The following LOC128706666 variants were observed in gnomAD, a reference collection of about 807,000 sequenced individuals.
chr20:10,433,826 C>A, the LOC128706666 span, among the ~76,000 whole-genome samples: 9 of 152,140 alleles, frequency 5.9e-5, no homozygotes, highest in African/African-American at 1.2e-4. Context: ...CAGGTGGGAG[C>A]GTGGTGAGGC....
At chr20:10,414,903 A>G in the LOC128706666 span, among the ~76,000 whole-genome samples, 1 of 152,208 alleles carries the variant, frequency 6.6e-6, no homozygotes, top group Admixed American at 6.5e-5. Flanking sequence ...TGGAAATCCT[A>G]GTCAACGAAT....
chr20:10,431,385 T>C, the LOC128706666 span, among the ~76,000 whole-genome samples: 1 of 152,272 alleles, frequency 6.6e-6, no homozygotes, highest in South Asian at 2.1e-4. Context: ...TTAGTGTCTA[T>C]TAGGTGCTAG....
At chr20:10,419,879 G>A in the LOC128706666 span, among the ~76,000 whole-genome samples, 2 of 152,124 alleles carry the variant, frequency 1.3e-5, no homozygotes, top group African/African-American at 4.8e-5. Flanking sequence ...AATATTTTCA[G>A]ACTAGGGTTG....
chr20:10,420,978 C>G, the LOC128706666 span, among the ~76,000 whole-genome samples: 1 of 152,196 alleles, frequency 6.6e-6, no homozygotes, highest in Non-Finnish European at 1.5e-5. Context: ...CAGAGCAATA[C>G]TGACTTTTTG....
chr20:10,417,589 G>A, the LOC128706666 span, among the ~76,000 whole-genome samples: 1 of 152,090 alleles, frequency 6.6e-6, no homozygotes, highest in African/African-American at 2.4e-5. Flanking sequence ...TAGCCTGGGT[G>A]ACAAATCAAG....
At chr20:10,418,934 C>T in the LOC128706666 span, among the ~76,000 whole-genome samples, 2 of 152,020 alleles carry the variant, frequency 1.3e-5, no homozygotes, top group African/African-American at 2.4e-5. Context: ...TATAGAATGT[C>T]CTAAAGTTAC....
chr20:10,423,651 T>C, the LOC128706666 span, among the ~76,000 whole-genome samples: 1 of 152,350 alleles, frequency 6.6e-6, no homozygotes, highest in East Asian at 1.9e-4. Flanking sequence ...GTTAGCTCCC[T>C]ATAATACTTA....
the LOC128706666 span, among the ~76,000 whole-genome samples, chr20:10,423,667 T>C: frequency 5.3e-5 from 8 of 152,314 alleles, no homozygotes; most frequent in African/African-American, 1.7e-4. Context: ...ACTTAGTGAA[T>C]CTTTAGGTCA....
the LOC128706666 span, among the ~76,000 whole-genome samples, chr20:10,420,935 A>T: frequency 1.3e-5 from 2 of 152,198 alleles, no homozygotes; most frequent in Non-Finnish European, 2.9e-5. Context: ...TCATTGACCC[A>T]AAGGGAGCAG....
the LOC128706666 span, among the ~76,000 whole-genome samples, chr20:10,433,825 G>C: frequency 6.6e-6 from 1 of 152,202 alleles, no homozygotes; most frequent in South Asian, 2.1e-4. Flanking sequence ...GCAGGTGGGA[G>C]CGTGGTGAGG....
the LOC128706666 span, among the ~76,000 whole-genome samples, chr20:10,417,150 T>C: frequency 2.0e-5 from 3 of 148,760 alleles, no homozygotes; most frequent in East Asian, 2.0e-4. Context: ...ACTCGGGAGG[T>C]TGAAGCAGGA....
the LOC128706666 span, among the ~76,000 whole-genome samples, chr20:10,417,111 T>C: frequency 8.6e-5 from 13 of 151,490 alleles, no homozygotes; most frequent in African/African-American, 3.2e-4. Flanking sequence ...ACTAGTCAGG[T>C]GTGGTGGTGG....
chr20:10,414,673 A>G, the LOC128706666 span, among the ~76,000 whole-genome samples: 2 of 152,292 alleles, frequency 1.3e-5, no homozygotes, highest in East Asian at 3.9e-4. Flanking sequence ...TTAGGTTTGA[A>G]CAGAAGTGCA....
chr20:10,419,001 C>G, the LOC128706666 span, among the ~76,000 whole-genome samples: 1 of 152,006 alleles, frequency 6.6e-6, no homozygotes, highest in Non-Finnish European at 1.5e-5. Flanking sequence ...TAATAATTGT[C>G]TAATATATTA....
At chr20:10,419,936 A>G in the LOC128706666 span, among the ~76,000 whole-genome samples, 1 of 152,218 alleles carries the variant, frequency 6.6e-6, no homozygotes, top group Admixed American at 6.5e-5. Context: ...GGATAAAGGG[A>G]GACAACTGCA....
the LOC128706666 span, among the ~76,000 whole-genome samples, chr20:10,433,369 G>C: frequency 7.9e-5 from 12 of 152,330 alleles, no homozygotes; most frequent in African/African-American, 2.9e-4. Context: ...GATAGGGAGC[G>C]TATTGTTTCT....
chr20:10,433,895 C>G, the LOC128706666 span, among the ~76,000 whole-genome samples: 1 of 152,306 alleles, frequency 6.6e-6, no homozygotes, highest in African/African-American at 2.4e-5. Context: ...GCATCCGTGC[C>G]GACCGCAACA....
chr20:10,422,864 A>G, the LOC128706666 span, among the ~76,000 whole-genome samples: 61 of 151,718 alleles, frequency 4.0e-4, no homozygotes, highest in Non-Finnish European at 4.3e-4. Context: ...GGTGCCCGCC[A>G]CCACACCTGG....
chr20:10,421,801 T>C, the LOC128706666 span, among the ~76,000 whole-genome samples: 2 of 151,544 alleles, frequency 1.3e-5, no homozygotes, highest in African/African-American at 2.4e-5. Flanking sequence ...TATTTTAAAT[T>C]TGGAAAGGAT....
Sources: allele counts gnomAD v4.1 joint callset (sites outside exome capture counted in the v4.1 genomes callset), GRCh38; gene constraint gnomAD v4.1.1; transcripts MANE v1.5.